Variants in TJP2 observed in about 807,000 individuals in gnomAD.
TJP2 encodes Friedreich ataxia region gene X104 (tight junction protein ZO-2).
A neutral mutation model predicts 133.1 loss-of-function variants in TJP2; 91 were observed. The ratio of observed to expected loss-of-function variants is 0.68; its 90% CI spans 0.58 to 0.81. The LOEUF is 0.81. TJP2 is among the 40% of genes least tolerant of loss of function. TJP2 has a pLI of 0.00. For synonymous variants in TJP2, 592 were observed against 583.4 expected (o/e 1.01, Z -0.21); for missense variants, 1,541 against 1,565.6 (o/e 0.98, Z 0.26).
intron 1 of TJP2, among the ~76,000 whole-genome samples, chr9:69,183,996 C>T (rs531245030): frequency 2.0e-5 from 3 of 152,272 alleles, no homozygotes; most frequent in Admixed American, 6.5e-5. Context: ...ATTATAAATG[C>T]GAGCCACCAC....
chr9:69,129,516 C>CA (rs373965068), intron 1 of TJP2, among the ~76,000 whole-genome samples: 20 of 149,772 alleles, frequency 1.3e-4, no homozygotes, highest in Admixed American at 3.3e-4. Context: ...TCGCAAAAAA[C>CA]AAAAAAAAAC....
chr9:69,175,254 T>C (rs1401514494), intron 1 of TJP2, among the ~76,000 whole-genome samples: 1 of 152,186 alleles, frequency 6.6e-6, no homozygotes, highest in Non-Finnish European at 1.5e-5. Context: ...ATGGTTGTGG[T>C]TTCCCTGAAG....
In TJP2 at chr9:69,254,441, C is replaced by T; in HGVS notation, c.*67C>T. 1.3e-6 allele frequency: 2 copies of T among 1,598,718 alleles called. No individual in the cohort carries two copies. Among genetic ancestry groups the T allele is most frequent in the Non-Finnish European group, 8.6e-7 (1 of 1,169,468 alleles). On this transcript the variant is annotated 3_prime_UTR_variant, in exon 23 of 23. Transcript: ENST00000377245. ...CAGACTAGCCACTCCTGCCAGGCCGCCGGGATGGTTCTTCTCCAGTTAGAA... is the reference window on the plus strand; with the variant it reads ...CAGACTAGCCACTCCTGCCAGGCCGTCGGGATGGTTCTTCTCCAGTTAGAA...
chr9:69,135,713 C>T (rs543562174), intron 1 of TJP2, among the ~76,000 whole-genome samples: 1 of 152,170 alleles, frequency 6.6e-6, no homozygotes, highest in South Asian at 2.1e-4. Flanking sequence ...TCAAGCAATT[C>T]TCCTGCCTCA....
intron 5 of TJP2, among the ~76,000 whole-genome samples, chr9:69,224,504 CCT>C (rs1182780399): frequency 1.3e-5 from 2 of 152,056 alleles, no homozygotes; most frequent in African/African-American, 4.8e-5. Context: ...ATGGTGAAAC[CCT>C]GTCTCTACTA....
At chr9:69,195,501 G>A (rs748530053) in intron 1 of TJP2, among the ~76,000 whole-genome samples, 76 of 151,986 alleles carry the variant, frequency 5.0e-4, no homozygotes, top group Middle Eastern at 6.8e-3. Context: ...CCTGTTAGCT[G>A]TGGGGCCTTG....
chr9:69,205,576 G>C lies in TJP2; in HGVS notation c.61-6972G>C, dbSNP rs141726498. ...GTTTGTTCATGTTTGAGAATTTCTTGTTTTGGGATAAAACTTTTTGCTTTC... is the reference window on the plus strand; with the variant it reads ...GTTTGTTCATGTTTGAGAATTTCTTCTTTTGGGATAAAACTTTTTGCTTTC... On this transcript the variant is annotated intron_variant, in intron 1 of 22. Transcript: ENST00000377245. Among the ~76,000 whole-genome samples the C allele has an allele frequency of 5.6e-3, 852 of 152,242 alleles. 7 individuals carry two copies. The highest frequency in any genetic ancestry group is 0.015 in the African/African-American group (617 of 41,548).
intron 1 of TJP2, among the ~76,000 whole-genome samples, chr9:69,209,857 T>C (rs1827733532): frequency 6.6e-6 from 1 of 152,180 alleles, no homozygotes; most frequent in African/African-American, 2.4e-5. Context: ...TTTAGACACA[T>C]GCAGAATTCC....
chr9:69,236,229 A>G lies in TJP2; in HGVS notation c.1982A>G (p.Asn661Ser). ...GAGTTGGAGAAAGGCTTAATCCCCA[A>G]CAAGAGCAGGTAACAGAGATCGCAT... ...GNELEKGLIP[N>S]KSRAEQMASV... The change falls in exon 13 of 23, where the codon AAC becomes AGC. Residue 661 changes from asparagine to serine, a missense_variant. By Grantham distance (46) the Asn-to-Ser change is conservative. Transcript: ENST00000377245. 1.2e-6 allele frequency: 2 copies of G among 1,613,976 alleles called. No homozygotes were observed. Among genetic ancestry groups the G allele is most frequent in the Non-Finnish European group, 1.7e-6 (2 of 1,180,016 alleles).
At chr9:69,201,790 C>G (rs1827011880) in intron 1 of TJP2, among the ~76,000 whole-genome samples, 2 of 152,138 alleles carry the variant, frequency 1.3e-5, no homozygotes, top group African/African-American at 4.8e-5. Flanking sequence ...AAGGGAGGAA[C>G]TTCTGACATA....
chr9:69,236,810 C>T, intron 13 of TJP2, 139 bp from the exon 14 acceptor site: 2 of 1,034,790 alleles, frequency 1.9e-6, no homozygotes, highest in Non-Finnish European at 3.0e-6. Context: ...CCCCACATTT[C>T]CCACCCTCTG....
chr9:69,224,362 T>TC (rs1829156962), intron 5 of TJP2, among the ~76,000 whole-genome samples: 1 of 151,104 alleles, frequency 6.6e-6, no homozygotes, highest in African/African-American at 2.4e-5. Flanking sequence ...TGTTTTTTTT[T>TC]CTCCCCAACA....
chr9:69,182,988 G>A (rs558008937), intron 1 of TJP2, among the ~76,000 whole-genome samples: 1 of 151,250 alleles, frequency 6.6e-6, no homozygotes, highest in East Asian at 1.9e-4. Context: ...GTAGAGACAA[G>A]GTTTCTTCAT....
At chr9:69,220,015 G>A (rs1212453507) in intron 4 of TJP2, among the ~76,000 whole-genome samples, 1 of 152,174 alleles carries the variant, frequency 6.6e-6, no homozygotes, top group Admixed American at 6.5e-5. Flanking sequence ...GCCAGGCATG[G>A]TGGTGTGCGC....
intron 2 of TJP2, among the ~76,000 whole-genome samples, chr9:69,153,062 T>TA (rs946692657): frequency 9.3e-5 from 14 of 150,204 alleles, no homozygotes; most frequent in Middle Eastern, 3.4e-3. Context: ...TGTCTCTATT[T>TA]AAAAAAAAAT....
At chr9:69,152,817 C>CTTTTTTTTTTTTTTTTT (rs10543289) in intron 2 of TJP2, among the ~76,000 whole-genome samples, 1 of 47,996 alleles carries the variant, frequency 2.1e-5, no homozygotes, top group Non-Finnish European at 4.0e-5. Context: ...CTCTGGAGCT[C>CTTTTTTTTTTTTTTTTT]TTTTTTTTTT....
intron 17 of TJP2, among the ~76,000 whole-genome samples, chr9:69,243,995 G>A (rs903743232): frequency 6.6e-6 from 1 of 151,872 alleles, no homozygotes; most frequent in Non-Finnish European, 1.5e-5. Context: ...ACCAGCCTGG[G>A]CAACATGATG....
upstream of TJP2, among the ~76,000 whole-genome samples, chr9:69,170,153 A>G (rs1194878084): frequency 6.6e-6 from 1 of 152,132 alleles, no homozygotes; most frequent in Non-Finnish European, 1.5e-5. Flanking sequence ...TAGCTGACCA[A>G]CCTATTTCAG....
rs1564401829 is a variant in TJP2, at chr9:69,174,307, T to TGGGAGC, written c.-66_-65insGGGAGC. On this transcript the variant is annotated 5_prime_UTR_variant, in exon 1 of 23. Coordinates refer to ENST00000377245, the MANE Select transcript of TJP2 (RefSeq NM_004817.4). ...ACTGTCCGGTGGTGCCCAGGAGGAGTAGGAGCAGGAGCAGAAGCAGAAGCG... is the reference window on the plus strand; with the variant it reads ...ACTGTCCGGTGGTGCCCAGGAGGAGTGGGAGCAGGAGCAGGAGCAGAAGCAGAAGCG... The TGGGAGC allele has an allele frequency of 3.9e-6, 6 of 1,547,816 alleles. No homozygotes were observed. In the Admixed American group the frequency reaches 9.8e-5, roughly 25 times the overall value.
Sources: allele counts gnomAD v4.1 joint callset (sites outside exome capture counted in the v4.1 genomes callset), GRCh38; gene constraint gnomAD v4.1.1; transcripts MANE v1.5; gene names NCBI Gene and HGNC (gene_info 2026-07-23, HGNC 2026-07-21).